Variants in ACSL6 observed in about 807,000 individuals in gnomAD.
The protein encoded by ACSL6 is acyl-CoA synthetase long chain family member 6, also known as long-chain-fatty-acid--CoA ligase 6.
In ACSL6, 47 loss-of-function variants were observed where a neutral mutation model predicts 98.2. The ratio of observed to expected loss-of-function variants is 0.48; its 90% CI spans 0.38 to 0.61. ACSL6 has a LOEUF of 0.61. ACSL6 is among the 20% of genes least tolerant of loss of function. The pLI, the probability that ACSL6 is intolerant of heterozygous loss-of-function variation, is 0.00. For synonymous variants in ACSL6, 362 were observed against 336.9 expected (o/e 1.07, Z -0.82); for missense variants, 761 against 913.4 (o/e 0.83, Z 2.15).
At chr5:131,988,713 C>T (rs1361938594) in intron 6 of ACSL6, 92 bp downstream of exon 6, 32 of 1,563,180 alleles carry the variant, frequency 2.0e-5, no homozygotes, top group Admixed American at 2.0e-4. Flanking sequence ...GTGCCTCTTA[C>T]GAGTGTCAGA....
At chr5:131,969,194 A>T (rs890447279) in intron 15 of ACSL6, among the ~76,000 whole-genome samples, 1 of 152,200 alleles carries the variant, frequency 6.6e-6, no homozygotes, top group Non-Finnish European at 1.5e-5. Flanking sequence ...AAACTGGAAA[A>T]TTTTAGGATG....
Position 132,011,420 on chromosome 5 carries a change from G to T in ACSL6, c.49+85C>A. 6.9e-7 allele frequency: 1 copy of T among 1,444,602 alleles called. No homozygotes were observed. Among genetic ancestry groups the T allele is most frequent in the Non-Finnish European group, 9.7e-7 (1 of 1,032,724 alleles). The allele number at this position is 1,444,602 out of a possible 1,614,324, so 89.5% of individuals were successfully genotyped here. ...CAGGGGATGGGGGCTCGGCGGCCGCGGAGATGTAACACCTCCACCTCGGGC... is the reference window on the plus strand; with the variant it reads ...CAGGGGATGGGGGCTCGGCGGCCGCTGAGATGTAACACCTCCACCTCGGGC... On this transcript the variant is annotated intron_variant, in intron 1 of 20. Transcript: ENST00000651883. This position sits in a 1 kb window ranked among gnomAD's most constrained non-coding sequence, Gnocchi z 5.4.
rs180712615 is a variant in ACSL6 at position 131,960,233 on chromosome 5, C to G, written c.1959+287G>C. Reference sequence around the variant, plus strand: ...TGTGTGACCTCGGGCAAGTTACCCCCCTCCCTGGACTCTCCTCTAAGCCAC... The same window carrying G: ...TGTGTGACCTCGGGCAAGTTACCCCGCTCCCTGGACTCTCCTCTAAGCCAC... On this transcript the variant is annotated intron_variant, in intron 19 of 20. Transcript: ENST00000651883. Among the ~76,000 whole-genome samples, 157 of 152,156 alleles carry G rather than the reference C, an allele frequency of 1.0e-3. 1 individual carries two copies. The highest frequency in any genetic ancestry group is 3.3e-3 in the African/African-American group (135 of 41,444).
intron 1 of ACSL6, chr5:132,001,846 C>T (rs1186457242): frequency 3.3e-5 from 5 of 152,184 alleles, no homozygotes; most frequent in Non-Finnish European, 1.5e-5. Flanking sequence ...GGTCCACATT[C>T]CTGATGCTAG....
chr5:131,988,409 C>T, intron 6 of ACSL6, 183 bp from the exon 7 acceptor site: 1 of 1,305,970 alleles, frequency 7.7e-7, no homozygotes, highest in South Asian at 1.4e-5. Flanking sequence ...CTGGGCGGAA[C>T]CAAGGGCAGA....
intron 16 of ACSL6, among the ~76,000 whole-genome samples, chr5:131,966,815 C>G (rs1235992167): frequency 1.3e-5 from 2 of 152,226 alleles, no homozygotes; most frequent in Non-Finnish European, 1.5e-5. Flanking sequence ...CCACATGCTG[C>G]TCTGTGACAC....
chr5:131,976,474 T>C (rs1225079731), intron 10 of ACSL6, among the ~76,000 whole-genome samples, 174 bp downstream of exon 10: 2 of 151,174 alleles, frequency 1.3e-5, no homozygotes, highest in Admixed American at 6.6e-5. Flanking sequence ...TGAAAAGTGA[T>C]GGTAAAAGTG....
At chr5:131,960,214 A>T (rs948637473) in intron 19 of ACSL6, among the ~76,000 whole-genome samples, 2 of 152,120 alleles carry the variant, frequency 1.3e-5, no homozygotes, top group African/African-American at 4.8e-5. Flanking sequence ...CAGCTGTGTG[A>T]CCTCGGGCAA....
chr5:131,986,455 C>T (rs1204524212), intron 8 of ACSL6, among the ~76,000 whole-genome samples: 1 of 152,226 alleles, frequency 6.6e-6, no homozygotes, highest in Non-Finnish European at 1.5e-5. Context: ...GCAGATGCCA[C>T]AAGGCCATTT....
intron 11 of ACSL6, 182 bp downstream of exon 11, chr5:131,974,711 T>C: frequency 6.4e-7 from 1 of 1,573,622 alleles, no homozygotes; most frequent in Non-Finnish European, 8.6e-7. Context: ...CCGCTAGGGT[T>C]ATGGGTTCTA....
At chr5:131,989,265 G>A (rs1019410107) in intron 5 of ACSL6, 142 bp downstream of exon 5, 7 of 796,036 alleles carry the variant, frequency 8.8e-6, no homozygotes, top group African/African-American at 1.7e-5. Context: ...AGCCAGGGTG[G>A]GAAGAGGAGT....
intron 16 of ACSL6, 37 bp downstream of exon 16, chr5:131,967,903 A>C (rs1165689743): frequency 1.3e-6 from 2 of 1,569,176 alleles, no homozygotes; most frequent in East Asian, 4.5e-5. Flanking sequence ...CACTACATGT[A>C]GCAGCCACAG....
chr5:131,952,898 C>T lies in ACSL6; in HGVS notation c.*1336G>A, dbSNP rs1197934911. 4.7e-6 allele frequency: 1 copy of T among 214,532 alleles called. No individual in the cohort carries two copies. Among genetic ancestry groups the T allele is most frequent in the Non-Finnish European group, 9.4e-6 (1 of 106,388 alleles). 13.3% of individuals were successfully genotyped at this position (214,532 alleles called of 1,614,324 possible). On this transcript the variant is annotated 3_prime_UTR_variant, in exon 21 of 21. Coordinates refer to ENST00000651883, the MANE Select transcript of ACSL6 (RefSeq NM_001009185.3). Reference sequence around the variant, plus strand: ...AGTTATATTGTTGAAAAACTATTTTCCCTGGAAATAATGTCCCCTCCTTCC... The same window carrying T: ...AGTTATATTGTTGAAAAACTATTTTTCCTGGAAATAATGTCCCCTCCTTCC...
chr5:132,011,416 C>A lies in ACSL6; in HGVS notation c.49+89G>T. On this transcript the variant is annotated intron_variant, in intron 1 of 20. Coordinates refer to ENST00000651883, the MANE Select transcript of ACSL6 (RefSeq NM_001009185.3). The surrounding 1 kb of genome is among the most constrained non-coding windows in gnomAD (Gnocchi z 5.4). ...GCAGCAGGGGATGGGGGCTCGGCGGCCGCGGAGATGTAACACCTCCACCTC... is the reference window on the plus strand; with the variant it reads ...GCAGCAGGGGATGGGGGCTCGGCGGACGCGGAGATGTAACACCTCCACCTC... 1 of 1,411,784 alleles carries A rather than the reference C, an allele frequency of 7.1e-7. No individual in the cohort carries two copies. The highest frequency in any genetic ancestry group is 9.9e-7 in the Non-Finnish European group (1 of 1,005,048). The allele number at this position is 1,411,784 out of a possible 1,614,324, so 87.5% of individuals were successfully genotyped here. A position where few individuals can be genotyped will look rare whatever the true frequency, so the allele number is the denominator to read the frequency against.
Position 131,971,543 on chromosome 5 carries a change from A to G in ACSL6, c.1434+7T>C. Reference sequence around the variant, plus strand: ...TGTTTCCAAGGGAGGACACACAATGACAATACCTGGCACCCTAGAGCTGCC... The same window carrying G: ...TGTTTCCAAGGGAGGACACACAATGGCAATACCTGGCACCCTAGAGCTGCC... On this transcript the variant is annotated splice_region_variant and intron_variant, in intron 14 of 20. Coordinates refer to ENST00000651883, the MANE Select transcript of ACSL6 (RefSeq NM_001009185.3). 6.3e-7 allele frequency: 1 copy of G among 1,597,138 alleles called. No homozygotes were observed. Among genetic ancestry groups the G allele is most frequent in the South Asian group, 1.1e-5 (1 of 87,538 alleles).
rs927574276 is a variant in ACSL6 at position 131,994,063 on chromosome 5, A to C, written c.238T>G (p.Cys80Gly). Reference protein sequence around the residue: ...THRPKALQPPCNLLMQSEEVE... With the variant: ...THRPKALQPPGNLLMQSEEVE... ...TCTTCTGACTGCATCAGGAGGTTGC[A>C]TGGCGGCTGCAAGGCCTTTGGCCGG... is the stretch of plus-strand genomic sequence containing the variant. The change falls in exon 2 of 21, where the codon TGC (cysteine) becomes GGC (glycine). Residue 80 changes from cysteine (C) to glycine (G), a missense_variant. Cys to Gly is a radical substitution (Grantham distance 159, BLOSUM62 -3). Transcript: ENST00000651883. 4 of 1,613,960 alleles carry C rather than the reference A, an allele frequency of 2.5e-6. No individual in the cohort carries two copies. Among genetic ancestry groups the C allele is most frequent in the Non-Finnish European group, 3.4e-6 (4 of 1,180,048 alleles).
At chr5:131,972,198 T>C (rs1335645970) in intron 13 of ACSL6, among the ~76,000 whole-genome samples, 1 of 152,190 alleles carries the variant, frequency 6.6e-6, no homozygotes, top group East Asian at 1.9e-4. Flanking sequence ...AAATGAATAA[T>C]GCTACTAATT....
chr5:132,004,850 G>A (rs1241790667), intron 1 of ACSL6, among the ~76,000 whole-genome samples: 1 of 152,172 alleles, frequency 6.6e-6, no homozygotes, highest in Non-Finnish European at 1.5e-5. Context: ...TACAGAATAT[G>A]CATGAGTTGG....
At chr5:131,993,890 G>A in intron 2 of ACSL6, 141 bp downstream of exon 2, 1 of 824,804 alleles carries the variant, frequency 1.2e-6, no homozygotes, top group Non-Finnish European at 1.9e-6. Flanking sequence ...GGCTGCTGCA[G>A]AGCTAAGTGG....
Sources: allele counts gnomAD v4.1 joint callset (sites outside exome capture counted in the v4.1 genomes callset), GRCh38; gene constraint gnomAD v4.1.1; non-coding constraint Gnocchi (gnomAD v3.1); transcripts MANE v1.5; gene names NCBI Gene and HGNC (gene_info 2026-07-23, HGNC 2026-07-21).